NR3C2: variants seen among roughly 807,000 people sequenced by gnomAD.
NR3C2 encodes mineralocorticoid receptor.
In NR3C2, 15 loss-of-function variants were observed where a neutral mutation model predicts 86.4. The ratio of observed to expected loss-of-function variants is 0.17; its 90% CI spans 0.12 to 0.27. The LOEUF is 0.27. Among genes scored for constraint, NR3C2 ranks in the 10% least tolerant of loss-of-function variants. The probability of loss-of-function intolerance (pLI) is 1.00; values close to 1 mark genes in which losing one functional copy is unlikely to be tolerated. For synonymous variants in NR3C2, 458 were observed against 450.5 expected, an observed-to-expected ratio of 1.02 and a Z score of -0.21; for missense variants, 960 against 1,195.6, an observed-to-expected ratio of 0.80 and a Z score of 2.91.
At chr4:148,206,690 G>A (rs1275817800) in intron 3 of NR3C2, among the ~76,000 whole-genome samples, 1 of 152,162 alleles carries the variant, frequency 6.6e-6, no homozygotes, top group Non-Finnish European at 1.5e-5. Flanking sequence ...GAGTGGAAGG[G>A]AGAGGAACTG....
At chr4:148,411,540 T>C (rs1024649956) in intron 2 of NR3C2, among the ~76,000 whole-genome samples, 1 of 152,212 alleles carries the variant, frequency 6.6e-6, no homozygotes, top group African/African-American at 2.4e-5. Flanking sequence ...CATAAACAAA[T>C]GGACATATTC....
chr4:148,193,064 C>T (rs1179727560), intron 4 of NR3C2, among the ~76,000 whole-genome samples: 1 of 152,176 alleles, frequency 6.6e-6, no homozygotes. Context: ...GGAGTTTTAC[C>T]CCCTGCTCCT....
chr4:148,280,644 G>A (rs1741186652), intron 2 of NR3C2, among the ~76,000 whole-genome samples: 1 of 152,056 alleles, frequency 6.6e-6, no homozygotes, highest in Non-Finnish European at 1.5e-5. Flanking sequence ...GACTACAGAT[G>A]TGAACCATCA....
At chr4:148,277,140 C>T (rs1740999822) in intron 2 of NR3C2, among the ~76,000 whole-genome samples, 1 of 152,024 alleles carries the variant, frequency 6.6e-6, no homozygotes, top group African/African-American at 2.4e-5. Context: ...AACTGAAGAT[C>T]GAGATCATCT....
intron 4 of NR3C2, among the ~76,000 whole-genome samples, chr4:148,180,681 G>A (rs1328328964): frequency 6.6e-6 from 1 of 152,060 alleles, no homozygotes; most frequent in Non-Finnish European, 1.5e-5. Flanking sequence ...TAGTGTGGTC[G>A]TAATCACAGA....
intron 4 of NR3C2, among the ~76,000 whole-genome samples, chr4:148,186,248 C>T (rs1735885326): frequency 6.6e-6 from 1 of 152,004 alleles, no homozygotes; most frequent in African/African-American, 2.4e-5. Context: ...TTTCAAGAAC[C>T]AATTGTATTT....
At chr4:148,430,531 T>A (rs1749752596) in intron 2 of NR3C2, among the ~76,000 whole-genome samples, 1 of 152,170 alleles carries the variant, frequency 6.6e-6, no homozygotes, top group Non-Finnish European at 1.5e-5. Context: ...AATATTTACC[T>A]GGTGAAATTC....
intron 3 of NR3C2, among the ~76,000 whole-genome samples, chr4:148,241,059 G>A (rs1383399476): frequency 1.3e-5 from 2 of 152,012 alleles, no homozygotes; most frequent in Non-Finnish European, 1.5e-5. Context: ...TAATCCCAAC[G>A]CTTTGGGAGG....
chr4:148,315,472 C>T (rs552474274), intron 2 of NR3C2, among the ~76,000 whole-genome samples: 33 of 152,302 alleles, frequency 2.2e-4, no homozygotes, highest in Non-Finnish European at 3.8e-4. Context: ...TTCTTCACAA[C>T]GATGCTCTCA....
chr4:148,252,300 G>A (rs1579069121), intron 3 of NR3C2, among the ~76,000 whole-genome samples: 1 of 152,244 alleles, frequency 6.6e-6, no homozygotes, highest in African/African-American at 2.4e-5. Context: ...GACAACAATT[G>A]TTGAGGGAGT....
At chr4:148,213,047 A>T (rs1438069331) in intron 3 of NR3C2, among the ~76,000 whole-genome samples, 1 of 152,160 alleles carries the variant, frequency 6.6e-6, no homozygotes, top group Non-Finnish European at 1.5e-5. Flanking sequence ...GTGATCACAA[A>T]AGTTTTGTGA....
chr4:148,221,908 A>AG (rs567458099), intron 3 of NR3C2, among the ~76,000 whole-genome samples: 14 of 151,438 alleles, frequency 9.2e-5, no homozygotes, highest in Middle Eastern at 3.4e-3. Flanking sequence ...AAAAAAAAAA[A>AG]AAAAGAAAAA....
chr4:148,307,035 G>A (rs1436992557), intron 2 of NR3C2, among the ~76,000 whole-genome samples: 1 of 151,696 alleles, frequency 6.6e-6, no homozygotes, highest in East Asian at 1.9e-4. Flanking sequence ...TCTCTCGAAC[G>A]TGAATATTTT....
chr4:148,202,662 G>A (rs997540029), intron 3 of NR3C2, among the ~76,000 whole-genome samples: 3 of 152,136 alleles, frequency 2.0e-5, no homozygotes, highest in African/African-American at 4.8e-5. Context: ...TTTACAGGTC[G>A]CTTAGAGATG....
At chr4:148,345,442 T>C (rs1278536796) in intron 2 of NR3C2, among the ~76,000 whole-genome samples, 1 of 152,032 alleles carries the variant, frequency 6.6e-6, no homozygotes. Context: ...ATGATGCATC[T>C]ATTAACCAAA....
intron 2 of NR3C2, among the ~76,000 whole-genome samples, chr4:148,308,429 T>C (rs895131191): frequency 1.3e-5 from 2 of 152,126 alleles, no homozygotes; most frequent in African/African-American, 4.8e-5. Context: ...ATAAAGTTGA[T>C]GTATTTACTC....
At chr4:148,424,256 T>G (rs112211692) in intron 2 of NR3C2, among the ~76,000 whole-genome samples, 1 of 152,194 alleles carries the variant, frequency 6.6e-6, no homozygotes, top group African/African-American at 2.4e-5. Context: ...TCCCTACACA[T>G]GTACTATAAT....
At chr4:148,310,982 G>A (rs1199361840) in intron 2 of NR3C2, among the ~76,000 whole-genome samples, 1 of 152,128 alleles carries the variant, frequency 6.6e-6, no homozygotes, top group Non-Finnish European at 1.5e-5. Flanking sequence ...TCCAATGGAT[G>A]ACTCTCAGTT....
At chr4:148,234,910 G>T (rs553556370) in intron 3 of NR3C2, among the ~76,000 whole-genome samples, 1 of 152,144 alleles carries the variant, frequency 6.6e-6, no homozygotes, top group East Asian at 1.9e-4. Flanking sequence ...AGATTATTTT[G>T]GGTGATGCGT....
Sources: gnomAD v4.1 joint callset for allele counts (sites outside exome capture counted in the v4.1 genomes callset) on GRCh38, gnomAD v4.1.1 for gene constraint, MANE v1.5 for transcripts, NCBI Gene and HGNC (gene_info 2026-07-23, HGNC 2026-07-21) for gene names.